The following KCNJ16 variants were observed in gnomAD, a reference collection of about 807,000 sequenced individuals.
KCNJ16 encodes potassium inwardly rectifying channel subfamily J member 16, also known as inward rectifier potassium channel 16.
A neutral mutation model predicts 18.5 loss-of-function variants in KCNJ16; 15 were observed. That is an observed-to-expected ratio of 0.81 (90% CI 0.54 to 1.25). KCNJ16 has a LOEUF of 1.25. Among genes scored for constraint, KCNJ16 ranks in the 50% most tolerant of loss-of-function variants. The pLI is 0.00. For synonymous variants in KCNJ16, 174 were observed against 186.5 expected, an observed-to-expected ratio of 0.93 and a Z score of 0.55; for missense variants, 523 against 525.7, an observed-to-expected ratio of 0.99 and a Z score of 0.05.
intron 1 of KCNJ16, among the ~76,000 whole-genome samples, chr17:70,098,326 A>C (rs777819907): frequency 6.6e-6 from 1 of 152,198 alleles, no homozygotes; most frequent in African/African-American, 2.4e-5. Flanking sequence ...AGAATTTAGG[A>C]GTCAATCAAG....
intron 1 of KCNJ16, among the ~76,000 whole-genome samples, chr17:70,094,654 T>C (rs1476298392): frequency 6.6e-6 from 1 of 152,202 alleles, no homozygotes. Flanking sequence ...TAATTTTTTG[T>C]GATTAAACAA....
chr17:70,104,873 T>A (rs917940440), intron 2 of KCNJ16: 1 of 152,620 alleles, frequency 6.6e-6, no homozygotes, highest in Non-Finnish European at 1.5e-5. Context: ...GTGGCCTTTG[T>A]CTGTGGTGAA....
At chr17:70,110,359 A>G (rs2073132723) in intron 2 of KCNJ16, among the ~76,000 whole-genome samples, 1 of 152,134 alleles carries the variant, frequency 6.6e-6, no homozygotes, top group South Asian at 2.1e-4. Flanking sequence ...CTGTCTACCC[A>G]GTGAAAACAG....
chr17:70,088,205 G>C (rs2071924429), intron 1 of KCNJ16, among the ~76,000 whole-genome samples: 2 of 152,236 alleles, frequency 1.3e-5, no homozygotes, highest in Admixed American at 6.5e-5. Flanking sequence ...TTTTGTAGAA[G>C]ACGATTTTTT....
At chr17:70,081,132 G>C (rs1273306468) in intron 1 of KCNJ16, among the ~76,000 whole-genome samples, 7 of 152,188 alleles carry the variant, frequency 4.6e-5, no homozygotes, top group African/African-American at 1.4e-4. Context: ...TATTAGAGAT[G>C]ATGAGTTATG....
intron 2 of KCNJ16, among the ~76,000 whole-genome samples, chr17:70,106,860 G>A (rs1477750112): frequency 6.6e-6 from 1 of 152,158 alleles, no homozygotes; most frequent in East Asian, 1.9e-4. Flanking sequence ...ACATTCTTTT[G>A]TGCGTGCATA....
In KCNJ16 at chr17:70,133,577, T is replaced by G; in HGVS notation, c.*233T>G. 1 of 408,888 alleles carries G rather than the reference T, an allele frequency of 2.4e-6. No homozygotes were observed. Among genetic ancestry groups the G allele is most frequent in the Non-Finnish European group, 4.5e-6 (1 of 221,796 alleles). The allele number at this position is 408,888 out of a possible 1,614,324, so 25.3% of individuals were successfully genotyped here. A position where few individuals can be genotyped will look rare whatever the true frequency, so the allele number is the denominator to read the frequency against. ...AAGAATGCTATTAAGCCTAATTGAT[T>G]AAAATTTATCTTTTTTATTATCTTA... On this transcript the variant is annotated 3_prime_UTR_variant, in exon 4 of 4. Transcript: ENST00000392671.
chr17:70,091,546 C>T (rs9911757), intron 1 of KCNJ16, among the ~76,000 whole-genome samples: 129,023 of 152,078 alleles, frequency 0.85, 54,807 homozygotes, highest in East Asian at 0.96. Flanking sequence ...AGTAAACATG[C>T]AGTATTTGTT....
At chr17:70,130,123 C>A (rs1306344314) in intron 2 of KCNJ16, among the ~76,000 whole-genome samples, 1 of 151,964 alleles carries the variant, frequency 6.6e-6, no homozygotes, top group Non-Finnish European at 1.5e-5. Flanking sequence ...ATCATATGGA[C>A]CTTTGATTAT....
chr17:70,083,469 A>G (rs1331406463), intron 1 of KCNJ16, among the ~76,000 whole-genome samples: 4 of 151,886 alleles, frequency 2.6e-5, no homozygotes, highest in Admixed American at 6.6e-5. Context: ...AAAGATTTTA[A>G]AGCCATATTT....
At chr17:70,126,654 G>A (rs992481827) in intron 2 of KCNJ16, among the ~76,000 whole-genome samples, 2 of 152,122 alleles carry the variant, frequency 1.3e-5, no homozygotes. Flanking sequence ...CTCCTGATTC[G>A]GGCCCTCTCT....
chr17:70,088,691 T>A (rs569541241), intron 1 of KCNJ16, among the ~76,000 whole-genome samples: 38 of 152,266 alleles, frequency 2.5e-4, no homozygotes, highest in African/African-American at 9.1e-4. Flanking sequence ...ATATTCAAAA[T>A]GGTTAGTGGC....
chr17:70,115,396 G>A (rs1345949070), intron 2 of KCNJ16, among the ~76,000 whole-genome samples: 1 of 151,980 alleles, frequency 6.6e-6, no homozygotes, highest in African/African-American at 2.4e-5. Flanking sequence ...ATACATAATT[G>A]CCCTCCTCAG....
intron 1 of KCNJ16, among the ~76,000 whole-genome samples, chr17:70,094,913 T>C (rs2072284803): frequency 6.6e-6 from 1 of 152,184 alleles, no homozygotes; most frequent in Admixed American, 6.5e-5. Flanking sequence ...TCATCACCAG[T>C]CATCACTGAG....
At chr17:70,127,148 G>A (rs911807036) in intron 2 of KCNJ16, among the ~76,000 whole-genome samples, 2 of 152,170 alleles carry the variant, frequency 1.3e-5, no homozygotes, top group Non-Finnish European at 2.9e-5. Flanking sequence ...CACCAAAATG[G>A]AGGATTAGGG....
rs1298708683 is a variant in KCNJ16 at position 70,133,327 on chromosome 17, G to C, written c.1240G>C (p.Val414Leu). ...TCTCCTGACTTTAAACAGAATCTCT[G>C]TAGAATCCCAAATGTAGTCCTAAAT... ...KALLTLNRIS[V>L]ESQM Residue 414 changes from valine to leucine, a missense_variant, in exon 4 of 4, where the codon GTA (valine) becomes CTA (leucine). Val to Leu is a conservative substitution (Grantham distance 32, BLOSUM62 1). Transcript: ENST00000392671. 2 of 1,611,760 alleles carry C rather than the reference G, an allele frequency of 1.2e-6. No individual in the cohort carries two copies.
chr17:70,111,713 T>G (rs2073190838), intron 2 of KCNJ16, among the ~76,000 whole-genome samples: 1 of 152,036 alleles, frequency 6.6e-6, no homozygotes, highest in African/African-American at 2.4e-5. Flanking sequence ...AATTGAATCA[T>G]GGGGTAGTTT....
At chr17:70,098,333 C>A (rs1043312220) in intron 1 of KCNJ16, among the ~76,000 whole-genome samples, 1 of 152,112 alleles carries the variant, frequency 6.6e-6, no homozygotes, top group Admixed American at 6.6e-5. Flanking sequence ...AGGAGTCAAT[C>A]AAGTGTGGAA....
intron 2 of KCNJ16, among the ~76,000 whole-genome samples, chr17:70,119,900 C>CA (rs1359218297): frequency 3.3e-5 from 5 of 152,184 alleles, no homozygotes; most frequent in Non-Finnish European, 7.3e-5. Context: ...TTTGGCTCCC[C>CA]AAAAAGCCTT....
Sources: gnomAD v4.1 joint callset for allele counts (sites outside exome capture counted in the v4.1 genomes callset) on GRCh38, gnomAD v4.1.1 for gene constraint, MANE v1.5 for transcripts, NCBI Gene and HGNC (gene_info 2026-07-23, HGNC 2026-07-21) for gene names.